Variants in WT1 observed in about 807,000 individuals in gnomAD.
The protein encoded by WT1 is WT1 transcription factor, also known as Wilms tumor protein.
Under a neutral mutation model 60.8 loss-of-function variants are expected in WT1, and 8 were observed. The observed-to-expected ratio is 0.13, with a 90% CI of 0.08 to 0.24. WT1 has a LOEUF of 0.24. WT1 is among the 10% of genes least tolerant of loss of function. WT1 has a pLI of 1.00. For missense variants in WT1, 568 were observed against 711.8 expected, an observed-to-expected ratio of 0.80 and a Z score of 2.30; for synonymous variants, 312 against 297.1, an observed-to-expected ratio of 1.05 and a Z score of -0.52.
chr11:32,427,875 TG>T, intron 3 of WT1, 80 bp downstream of exon 3: 1 of 1,395,016 alleles, frequency 7.2e-7, no homozygotes, highest in Non-Finnish European at 9.8e-7. Context: ...GCTGCCCGGC[TG>T]GGGCGTTCCC....
At chr11:32,402,616 G>A (rs1852190520) in intron 5 of WT1, among the ~76,000 whole-genome samples, 7 of 152,222 alleles carry the variant, frequency 4.6e-5, no homozygotes, top group Admixed American at 4.6e-4. Context: ...TGCGATCATA[G>A]CTCACTGCAG....
At chr11:32,431,833 G>A (rs1853323356) in intron 1 of WT1, among the ~76,000 whole-genome samples, 1 of 152,038 alleles carries the variant, frequency 6.6e-6, no homozygotes, top group Non-Finnish European at 1.5e-5. Context: ...AGAGTTTGGT[G>A]CCCCTCCCGC....
intron 5 of WT1, among the ~76,000 whole-genome samples, chr11:32,410,060 A>C (rs2133004543): frequency 6.6e-6 from 1 of 152,278 alleles, no homozygotes; most frequent in Non-Finnish European, 1.5e-5. Context: ...CCTCCCGAGC[A>C]GCTGGGATTA....
chr11:32,409,539 G>T (rs1852429108), intron 5 of WT1, among the ~76,000 whole-genome samples: 1 of 151,676 alleles, frequency 6.6e-6, no homozygotes, highest in East Asian at 2.0e-4. Flanking sequence ...GCTCACTGCA[G>T]CCTCAAACTC....
At chr11:32,400,162 GT>G in intron 5 of WT1, 118 bp from the exon 6 acceptor site, 2 of 1,308,228 alleles carry the variant, frequency 1.5e-6, no homozygotes, top group Non-Finnish European at 2.2e-6. Flanking sequence ...AAAATAGTTG[GT>G]TTTTGCCTCC....
rs200808699 is a variant in WT1, at chr11:32,406,631, AT to A, written c.1017-6588del. On this transcript the variant is annotated intron_variant, in intron 5 of 9. Transcript: ENST00000452863. ...AAGTTTACCCTCCACCAAAAAAAAAATATATATATTTATTTCTATTGAACTG... is the reference window on the plus strand; with the variant it reads ...AAGTTTACCCTCCACCAAAAAAAAAAATATATATTTATTTCTATTGAACTG... 6.0e-3 allele frequency among the ~76,000 whole-genome samples: 892 copies of A among 147,720 alleles called. 3 individuals are homozygous for A. The highest frequency in any genetic ancestry group is 9.8e-3 in the Non-Finnish European group (660 of 67,078).
At chr11:32,404,994 T>A (rs1449826908) in intron 5 of WT1, among the ~76,000 whole-genome samples, 1 of 152,220 alleles carries the variant, frequency 6.6e-6, no homozygotes. Flanking sequence ...TTATTCTCCA[T>A]GAATTTCCCG....
rs149314307 is a variant in WT1, at chr11:32,427,413, G to A, written c.887+543C>T. Among the ~76,000 whole-genome samples the A allele has an allele frequency of 2.0e-5, 3 of 152,330 alleles. No homozygotes were observed. The East Asian group carries it at 5.8e-4, about 30-fold the overall frequency. ...TCCCCGCAGGGCCCTGTTGCGACCCGATCTCCGTCCTGCACCCCGGCCGGG... is the reference window on the plus strand; with the variant it reads ...TCCCCGCAGGGCCCTGTTGCGACCCAATCTCCGTCCTGCACCCCGGCCGGG... On this transcript the variant is annotated intron_variant, in intron 3 of 9. Coordinates refer to ENST00000452863, the MANE Select transcript of WT1 (RefSeq NM_024426.6).
intron 3 of WT1, among the ~76,000 whole-genome samples, chr11:32,420,202 C>T (rs1167449143): frequency 6.6e-6 from 1 of 152,118 alleles, no homozygotes; most frequent in Admixed American, 6.6e-5. Context: ...AATTCCACAG[C>T]TTCTTATTTT....
At position 32,428,022 on chromosome 11, in the gene WT1, C is replaced by T. The variant is rs1590394425; in HGVS notation, c.821G>A (p.Gly274Asp). The change falls in exon 3 of 10, where the codon GGC (glycine) becomes GAC (aspartate). Residue 274 changes from glycine (G) to aspartate (D), a missense_variant. Physicochemically the swap from Gly to Asp is moderately conservative, Grantham distance 94. This residue lies in a region of WT1 where 523 missense variants were observed against 565.1 expected (regional missense o/e 0.93). Transcript: ENST00000452863. ...GCAGCTGTCGGTGGGGGTGTGGCAGCCATAGACCGGGGGCGGCACCGAGTA... is the reference window on the plus strand; with the variant it reads ...GCAGCTGTCGGTGGGGGTGTGGCAGTCATAGACCGGGGGCGGCACCGAGTA... 2 of 1,610,654 alleles carry T rather than the reference C, an allele frequency of 1.2e-6. No homozygotes were observed. The highest frequency in any genetic ancestry group is 1.7e-4 in the Middle Eastern group (1 of 5,780).
intron 5 of WT1, among the ~76,000 whole-genome samples, chr11:32,412,681 G>C (rs1381857655): frequency 2.2e-4 from 31 of 137,828 alleles, no homozygotes; most frequent in Non-Finnish European, 1.6e-5. Context: ...TACTCAGAAA[G>C]ATTCCCCAGC....
Position 32,388,003 on chromosome 11 carries a change from A to AAC in WT1, c.*1053_*1054dup, listed in dbSNP as rs58549495. ...TCCCTTAAAAAACAAAACACAACAC[A>AAC]ACACACACACACACACACACACACA... On this transcript the variant is annotated 3_prime_UTR_variant, in exon 10 of 10. Transcript: ENST00000452863. The AAC allele has an allele frequency of 0.039, 8,880 of 228,886 alleles. 119 individuals are homozygous for AAC. Among genetic ancestry groups the AAC allele is most frequent in the Admixed American group, 0.05 (865 of 17,206 alleles). The allele number at this position is 228,886 out of a possible 1,614,324, so 14.2% of individuals were successfully genotyped here.
At position 32,430,486 on chromosome 11, in the gene WT1, G is replaced by GAGAGAGAGAGAGAGAC. The variant is rs761622301; in HGVS notation, c.662-1868_662-1867insGTCTCTCTCTCTCTCT. On this transcript the variant is annotated intron_variant, in intron 1 of 9. Coordinates refer to ENST00000452863, the MANE Select transcript of WT1 (RefSeq NM_024426.6). The stretch of plus-strand genomic sequence containing the variant: ...AGAGAGAGAGAGAGAGAGAGAGAGA[G>GAGAGAGAGAGAGAGAC]AGAGACGAAATAGAAGCTACGAAGA... 136 of 1,573,462 alleles carry GAGAGAGAGAGAGAGAC rather than the reference G, an allele frequency of 8.6e-5. 2 individuals carry two copies. In the African/African-American group the frequency reaches 1.8e-3, roughly 20 times the overall value.
chr11:32,432,666 G>A (rs1853352105), intron 1 of WT1, among the ~76,000 whole-genome samples: 1 of 152,070 alleles, frequency 6.6e-6, no homozygotes, highest in Non-Finnish European at 1.5e-5. Context: ...CTCCATGGCA[G>A]CCACGCCTGT....
chr11:32,400,874 T>C (rs1307982992), intron 5 of WT1, among the ~76,000 whole-genome samples: 5 of 152,218 alleles, frequency 3.3e-5, no homozygotes, highest in Non-Finnish European at 5.9e-5. Flanking sequence ...GAATTACACC[T>C]AGAAGCACCG....
intron 4 of WT1, 26 bp from the exon 5 acceptor site, chr11:32,416,566 T>C (rs756618631): frequency 2.5e-6 from 4 of 1,613,508 alleles, no homozygotes; most frequent in Non-Finnish European, 2.5e-6. Context: ...AGGTGGGGAG[T>C]GGGGAATGGA....
rs2133037821 is a variant in WT1, at chr11:32,417,652, T to A, written c.890A>T (p.Asp297Val). 1 of 1,613,636 alleles carries A rather than the reference T, an allele frequency of 6.2e-7. No homozygotes were observed. The highest frequency in any genetic ancestry group is 8.5e-7 in the Non-Finnish European group (1 of 1,179,742). The stretch of plus-strand genomic sequence containing the variant: ...CTGGGATGTCATTTGGTATAAATTG[T>A]CACTGTTAGAAAAACATCTAGAGTT... The change falls in exon 4 of 10, where the codon GAC becomes GTC. Residue 297 changes from aspartate (D) to valine (V), a missense_variant and splice_region_variant. Coordinates refer to ENST00000452863, the MANE Select transcript of WT1 (RefSeq NM_024426.6).
Position 32,396,509 on chromosome 11 carries a change from T to C in WT1, c.1114-102A>G, listed in dbSNP as rs967179910. ...CACTGGAGTATATCCAAAGAAGGGG[T>C]GGCAGGTGCAGACCTAAAACCACTC... is the stretch of plus-strand genomic sequence containing the variant. On this transcript the variant is annotated intron_variant, in intron 6 of 9. Transcript: ENST00000452863. 6 of 1,528,412 alleles carry C rather than the reference T, an allele frequency of 3.9e-6. No homozygotes were observed. The African/African-American group carries it at 8.2e-5, about 21-fold the overall frequency. 94.7% of individuals were successfully genotyped at this position (1,528,412 alleles called of 1,614,324 possible). A position where few individuals can be genotyped will look rare whatever the true frequency, so the allele number is the denominator to read the frequency against.
chr11:32,392,151 C>T lies in WT1; in HGVS notation c.1355-87G>A, dbSNP rs5030290. On this transcript the variant is annotated intron_variant, in intron 8 of 9. Transcript: ENST00000452863. ...GGCTGACTTCCGGCAGCTGGAGGAG[C>T]CCAGCATTTCCTGCCATGCCTGCAA... is the stretch of plus-strand genomic sequence containing the variant. 7.1e-3 allele frequency: 8,188 copies of T among 1,157,876 alleles called. 133 individuals are homozygous for T. Among genetic ancestry groups the T allele is most frequent in the East Asian group, 0.042 (1,800 of 42,768 alleles). 71.7% of individuals were successfully genotyped at this position (1,157,876 alleles called of 1,614,324 possible). A position where few individuals can be genotyped will look rare whatever the true frequency, so the allele number is the denominator to read the frequency against.
Sources: gnomAD v4.1 joint callset for allele counts (sites outside exome capture counted in the v4.1 genomes callset) on GRCh38, gnomAD v4.1.1 for gene constraint, gnomAD v4.1.1 regional missense constraint, MANE v1.5 for transcripts, NCBI Gene and HGNC (gene_info 2026-07-23, HGNC 2026-07-21) for gene names.